SPTLC1: variants seen among roughly 807,000 people sequenced by gnomAD.
SPTLC1 encodes serine palmitoyltransferase 1.
A neutral mutation model predicts 68.9 loss-of-function variants in SPTLC1; 55 were observed. The observed-to-expected ratio is 0.80, with a 90% CI of 0.64 to 1.00. The LOEUF (loss-of-function observed/expected upper bound fraction) is 1.00. Among genes scored for constraint, SPTLC1 ranks in the 50% least tolerant of loss-of-function variants. The pLI is 0.00. For synonymous variants in SPTLC1, 197 were observed against 201.6 expected, an observed-to-expected ratio of 0.98 and a Z score of 0.19; for missense variants, 449 against 573.1, an observed-to-expected ratio of 0.78 and a Z score of 2.21.
chr9:92,068,195 T>C, intron 5 of SPTLC1, 97 bp from the exon 6 acceptor site: 2 of 1,209,600 alleles, frequency 1.7e-6, no homozygotes, highest in Non-Finnish European at 2.3e-6. Context: ...TAATTATCAA[T>C]ACTTTCACCT....
intron 5 of SPTLC1, chr9:92,079,325 CT>C: frequency 7.9e-7 from 1 of 1,266,570 alleles, no homozygotes; most frequent in Non-Finnish European, 1.0e-6. Context: ...ATCTGCCTGC[CT>C]CAGCCTTTGA....
chr9:92,061,000 G>T (rs1240444542), intron 6 of SPTLC1, among the ~76,000 whole-genome samples: 1 of 151,928 alleles, frequency 6.6e-6, no homozygotes, highest in East Asian at 1.9e-4. Flanking sequence ...AGAGTCTCAG[G>T]GACCCATGGG....
In SPTLC1 at chr9:92,107,506, A is replaced by G. The variant is rs1836042647; in HGVS notation, c.260+1234T>C. Among the ~76,000 whole-genome samples the G allele has an allele frequency of 3.9e-5, 6 of 152,276 alleles. No individual in the cohort carries two copies. In the South Asian group the frequency reaches 1.0e-3, roughly 26 times the overall value. ...GGCGGCTCACGCCTGTAATCCCAGC[A>G]CTTTGGGAGGCCGAGGCCGGCGGAT... On this transcript the variant is annotated intron_variant, in intron 3 of 14. Transcript: ENST00000262554.
intron 1 of SPTLC1, 198 bp downstream of exon 1, chr9:92,115,116 A>G: frequency 4.8e-6 from 2 of 420,864 alleles, no homozygotes; most frequent in Non-Finnish European, 4.5e-6. Flanking sequence ...CCTCAGTCCC[A>G]GCCCCCGCCC....
chr9:92,047,591 C>T lies in SPTLC1; in HGVS notation c.984+22G>A, dbSNP rs200943852. The T allele has an allele frequency of 5.5e-5, 85 of 1,531,980 alleles. No homozygotes were observed. In the African/African-American group the frequency reaches 9.7e-4, roughly 17 times the overall value. 94.9% of individuals were successfully genotyped at this position (1,531,980 alleles called of 1,614,324 possible). A position where few individuals can be genotyped will look rare whatever the true frequency, so the allele number is the denominator to read the frequency against. ...GGAGAAATTAGTTTCAGTTTTAGCT[C>T]CTGTTTTTAAAAAGAACCCACCTGA... On this transcript the variant is annotated intron_variant, in intron 10 of 14. Coordinates refer to ENST00000262554, the MANE Select transcript of SPTLC1 (RefSeq NM_006415.4).
intron 5 of SPTLC1, among the ~76,000 whole-genome samples, chr9:92,071,138 C>G (rs1169214188): frequency 6.6e-6 from 1 of 151,246 alleles, no homozygotes; most frequent in Admixed American, 6.6e-5. Flanking sequence ...ACCTGTAATC[C>G]CAGCACTTCG....
chr9:92,087,906 G>A (rs866623648), intron 3 of SPTLC1, among the ~76,000 whole-genome samples: 21 of 152,248 alleles, frequency 1.4e-4, no homozygotes, highest in African/African-American at 3.9e-4. Flanking sequence ...CACCCAGTTC[G>A]AGCTTCCCGG....
At chr9:92,045,869 G>A (rs1370941542) in intron 12 of SPTLC1, 130 bp downstream of exon 12, 7 of 736,352 alleles carry the variant, frequency 9.5e-6, no homozygotes, top group Non-Finnish European at 1.7e-5. Flanking sequence ...CAATGTGAGT[G>A]AACTAAGTTT....
At chr9:92,105,332 G>C in intron 3 of SPTLC1, 1 of 1,521,654 alleles carries the variant, frequency 6.6e-7, no homozygotes, top group Admixed American at 2.0e-5. Flanking sequence ...CCTCCAGCAG[G>C]GCAACATGCG....
rs1412472148 is a variant in SPTLC1 at position 92,033,680 on chromosome 9, C to T, written c.1329-1122G>A. On this transcript the variant is annotated intron_variant, in intron 14 of 14. Coordinates refer to ENST00000262554, the MANE Select transcript of SPTLC1 (RefSeq NM_006415.4). Reference sequence around the variant, plus strand: ...AGGTGATTTTCCCACCTCAGCCTCCCAAGTAGCTGGGACCACAGGCGTGCA... The same window carrying T: ...AGGTGATTTTCCCACCTCAGCCTCCTAAGTAGCTGGGACCACAGGCGTGCA... Among the ~76,000 whole-genome samples the T allele has an allele frequency of 2.0e-5, 3 of 152,170 alleles. No homozygotes were observed. The East Asian group carries it at 5.8e-4, about 29-fold the overall frequency.
At chr9:92,053,134 A>AAAC (rs1564089561) in intron 8 of SPTLC1, among the ~76,000 whole-genome samples, 5 of 126,442 alleles carry the variant, frequency 4.0e-5, no homozygotes, top group African/African-American at 1.5e-4. Context: ...AACAAACAAA[A>AAAC]AAAAAAACAA....
chr9:92,081,135 A>G (rs994070729), intron 3 of SPTLC1, among the ~76,000 whole-genome samples, 172 bp from the exon 4 acceptor site: 1 of 152,226 alleles, frequency 6.6e-6, no homozygotes, highest in Non-Finnish European at 1.5e-5. Flanking sequence ...ATTAAAAATA[A>G]GATATTTTTC....
intron 3 of SPTLC1, among the ~76,000 whole-genome samples, chr9:92,082,751 A>G (rs1009582198): frequency 6.6e-6 from 1 of 152,012 alleles, no homozygotes; most frequent in South Asian, 2.1e-4. Flanking sequence ...TTGGGTATAT[A>G]CCCAGTAATG....
Position 92,055,395 on chromosome 9 carries a change from G to C in SPTLC1, c.780+10C>G. 3.1e-6 allele frequency: 5 copies of C among 1,612,728 alleles called. No individual in the cohort carries two copies. Among genetic ancestry groups the C allele is most frequent in the Non-Finnish European group, 4.2e-6 (5 of 1,180,010 alleles). On this transcript the variant is annotated intron_variant, in intron 8 of 14. Transcript: ENST00000262554. ...AAATATTAAAATTACAGCTGAACATGGTTGCTTACCAATTCTGGAAGAGGA... is the reference window on the plus strand; with the variant it reads ...AAATATTAAAATTACAGCTGAACATCGTTGCTTACCAATTCTGGAAGAGGA...
intron 3 of SPTLC1, among the ~76,000 whole-genome samples, chr9:92,105,744 G>A (rs1355348228): frequency 6.6e-6 from 1 of 151,590 alleles, no homozygotes; most frequent in Non-Finnish European, 1.5e-5. Flanking sequence ...GGGAAGTGAG[G>A]AGTGCCTCTG....
intron 3 of SPTLC1, among the ~76,000 whole-genome samples, chr9:92,088,046 G>A (rs951196895): frequency 3.3e-5 from 5 of 152,240 alleles, no homozygotes; most frequent in African/African-American, 9.6e-5. Flanking sequence ...AGGACCCTCC[G>A]AGCCAGGTGA....
chr9:92,084,004 T>C (rs1564106199), intron 3 of SPTLC1, among the ~76,000 whole-genome samples: 1 of 152,214 alleles, frequency 6.6e-6, no homozygotes, highest in African/African-American at 2.4e-5. Flanking sequence ...TTTGAAGGAA[T>C]TGTGAATGGG....
At chr9:92,064,410 T>C (rs922534047) in intron 6 of SPTLC1, among the ~76,000 whole-genome samples, 1 of 152,196 alleles carries the variant, frequency 6.6e-6, no homozygotes, top group Admixed American at 6.5e-5. Flanking sequence ...CAGAAAAATA[T>C]AAATTTTTCT....
intron 7 of SPTLC1, among the ~76,000 whole-genome samples, chr9:92,058,804 G>A (rs1310128450): frequency 2.0e-5 from 3 of 152,022 alleles, no homozygotes; most frequent in Non-Finnish European, 4.4e-5. Context: ...GATTTATTCT[G>A]GTATGAATAA....
Sources: allele counts gnomAD v4.1 joint callset (sites outside exome capture counted in the v4.1 genomes callset), GRCh38; gene constraint gnomAD v4.1.1; transcripts MANE v1.5; gene names NCBI Gene and HGNC (gene_info 2026-07-23, HGNC 2026-07-21).